Variants in ARHGAP29 observed in about 807,000 individuals in gnomAD.
ARHGAP29 encodes Rho GTPase activating protein 29.
In ARHGAP29, 43 loss-of-function variants were observed where a neutral mutation model predicts 122.6. That is an observed-to-expected ratio of 0.35 (90% confidence interval 0.27 to 0.45). ARHGAP29 has a LOEUF of 0.45. Among genes scored for constraint, ARHGAP29 ranks in the 20% least tolerant of loss-of-function variants. The pLI is 1.00. For synonymous variants in ARHGAP29, 506 were observed against 497.1 expected, an observed-to-expected ratio of 1.02 and a Z score of -0.24; for missense variants, 1,303 against 1,477.2, an observed-to-expected ratio of 0.88 and a Z score of 1.93.
At chr1:94,240,231 G>A (rs1405013390), upstream of ARHGAP29, among the ~76,000 whole-genome samples, 1 of 152,094 alleles carries the variant, frequency 6.6e-6, no homozygotes, top group Admixed American at 6.5e-5. Flanking sequence ...TTACTTAGAA[G>A]GTTAAATAAA....
chr1:94,307,745 A>G, the ARHGAP29 span, among the ~76,000 whole-genome samples: 46 of 152,218 alleles, frequency 3.0e-4, 1 homozygote, highest in Non-Finnish European at 1.8e-4. Context: ...ATAAAGTTAT[A>G]TGTCTACTAC....
intron 1 of ARHGAP29, among the ~76,000 whole-genome samples, chr1:94,273,705 T>C (rs11165104): frequency 0.23 from 35,376 of 152,078 alleles, 4,358 homozygotes; most frequent in East Asian, 0.46. Context: ...ATTAAACATC[T>C]GAAAGATCTT....
In ARHGAP29 at chr1:94,170,580, C is replaced by G. The variant is rs368983328; in HGVS notation, c.*3289G>C. On this transcript the variant is annotated 3_prime_UTR_variant, in exon 23 of 23. Coordinates refer to ENST00000260526, the MANE Select transcript of ARHGAP29 (RefSeq NM_004815.4). ...ATATCATGATGTCAATGTCAATCTCCTAAGTTTGATGGTTGTACTATGGTT... is the reference window on the plus strand; with the variant it reads ...ATATCATGATGTCAATGTCAATCTCGTAAGTTTGATGGTTGTACTATGGTT... Among the ~76,000 whole-genome samples, 56 of 152,264 alleles carry G rather than the reference C, an allele frequency of 3.7e-4. No homozygotes were observed. The highest frequency in any genetic ancestry group is 1.5e-3 in the East Asian group (8 of 5,174).
chr1:94,262,068 G>A (rs12069420), intron 1 of ARHGAP29, among the ~76,000 whole-genome samples: 35,369 of 152,002 alleles, frequency 0.23, 4,350 homozygotes, highest in East Asian at 0.46. Flanking sequence ...ATAGACCAAT[G>A]GAACAAACAG....
intron 7 of ARHGAP29, among the ~76,000 whole-genome samples, chr1:94,204,405 C>T (rs1456998176): frequency 6.6e-6 from 1 of 152,114 alleles, no homozygotes; most frequent in Non-Finnish European, 1.5e-5. Context: ...AGGACCTAGG[C>T]TTGTGTACTG....
At position 94,169,808 on chromosome 1, in the gene ARHGAP29, G is replaced by T. The variant is rs1421041340; in HGVS notation, c.*4061C>A. Among the ~76,000 whole-genome samples the T allele has an allele frequency of 6.6e-6, 1 of 152,128 alleles. No homozygotes were observed. Among genetic ancestry groups the T allele is most frequent in the Non-Finnish European group, 1.5e-5 (1 of 68,016 alleles). ...AGATGAGCTCGTAAAAAAAATAAGA[G>T]GGGAAAAAGCAATGAGGCATCTCTA... On this transcript the variant is annotated 3_prime_UTR_variant, in exon 23 of 23. Transcript: ENST00000260526.
chr1:94,218,017 T>C (rs1348475529), intron 3 of ARHGAP29, among the ~76,000 whole-genome samples: 2 of 152,190 alleles, frequency 1.3e-5, no homozygotes, highest in South Asian at 4.1e-4. Flanking sequence ...ATACTCAAAA[T>C]GGTTTCTACT....
intron 16 of ARHGAP29, 128 bp downstream of exon 16, chr1:94,186,371 A>T (rs934599628): frequency 1.7e-6 from 1 of 572,290 alleles, no homozygotes; most frequent in East Asian, 3.1e-5. Context: ...TATTTAAGTC[A>T]TGGTGAATTT....
intron 3 of ARHGAP29, 52 bp downstream of exon 3, chr1:94,220,206 C>T: frequency 6.2e-7 from 1 of 1,604,842 alleles, no homozygotes; most frequent in South Asian, 1.1e-5. Flanking sequence ...CAAAATATAT[C>T]ACTTGGCTCC....
At chr1:94,231,288 A>C in intron 2 of ARHGAP29, 119 bp downstream of exon 2, 1 of 766,282 alleles carries the variant, frequency 1.3e-6, no homozygotes, top group Non-Finnish European at 2.1e-6. Context: ...GGAAAAAAGC[A>C]CTAAAATAAC....
At chr1:94,183,536 G>T (rs896930608) in intron 19 of ARHGAP29, among the ~76,000 whole-genome samples, 4 of 152,068 alleles carry the variant, frequency 2.6e-5, no homozygotes, top group African/African-American at 9.7e-5. Flanking sequence ...ATTCCTGCTA[G>T]AATGTGCAGT....
upstream of ARHGAP29, among the ~76,000 whole-genome samples, chr1:94,238,051 G>GTT (rs1177781402): frequency 7.7e-6 from 1 of 129,526 alleles, no homozygotes; most frequent in African/African-American, 3.0e-5. Context: ...AGGCCTATCT[G>GTT]TATTTTTTTT....
At chr1:94,199,630 C>T (rs934279914) in intron 12 of ARHGAP29, among the ~76,000 whole-genome samples, 1 of 152,170 alleles carries the variant, frequency 6.6e-6, no homozygotes, top group Non-Finnish European at 1.5e-5. Context: ...TCCTAAATCA[C>T]CCCAGGGCCA....
the ARHGAP29 span, among the ~76,000 whole-genome samples, chr1:94,309,217 G>A: frequency 6.6e-6 from 1 of 152,218 alleles, no homozygotes; most frequent in African/African-American, 2.4e-5. Context: ...ACAAACTTAT[G>A]AGAGAGCCAC....
At chr1:94,264,766 C>T (rs765603968) in intron 1 of ARHGAP29, among the ~76,000 whole-genome samples, 1 of 152,066 alleles carries the variant, frequency 6.6e-6, no homozygotes, top group Non-Finnish European at 1.5e-5. Flanking sequence ...CCGGTCTTTG[C>T]CAAGGCCACT....
At chr1:94,260,290 C>T (rs151270959) in intron 1 of ARHGAP29, among the ~76,000 whole-genome samples, 46 of 152,314 alleles carry the variant, frequency 3.0e-4, no homozygotes, top group East Asian at 1.4e-3. Flanking sequence ...AACCAGCTTT[C>T]GTTTCTCTAA....
At chr1:94,202,303 T>G (rs1650896580) in intron 11 of ARHGAP29, 3 of 581,190 alleles carry the variant, frequency 5.2e-6, no homozygotes, top group Non-Finnish European at 6.0e-6. Flanking sequence ...TTTCACAAAC[T>G]CCAAAATTCA....
chr1:94,219,067 G>A (rs1044978981), intron 3 of ARHGAP29, among the ~76,000 whole-genome samples: 7 of 152,220 alleles, frequency 4.6e-5, no homozygotes, highest in African/African-American at 1.7e-4. Flanking sequence ...TCAGCCTAGA[G>A]TGAGTTCCTC....
the ARHGAP29 span, among the ~76,000 whole-genome samples, chr1:94,312,355 G>GTTTTT: frequency 1.1e-3 from 94 of 88,724 alleles, no homozygotes; most frequent in Non-Finnish European, 1.4e-3. Flanking sequence ...ATTTTTATTT[G>GTTTTT]TTTTTTTTTT....
Sources: allele counts gnomAD v4.1 joint callset (sites outside exome capture counted in the v4.1 genomes callset), GRCh38; gene constraint gnomAD v4.1.1; transcripts MANE v1.5; gene names NCBI Gene and HGNC (gene_info 2026-07-23, HGNC 2026-07-21).